Variants in NAPA observed in about 807,000 individuals in gnomAD.
NAPA encodes the protein alpha-soluble NSF attachment protein.
NAPA carries 18 observed loss-of-function variants against 48.0 expected under a neutral mutation model. The ratio of observed to expected loss-of-function variants is 0.38; its 90% CI spans 0.26 to 0.56. The LOEUF is 0.56. NAPA is among the 20% of genes least tolerant of loss of function. The probability of loss-of-function intolerance (pLI) is 0.77; values close to 1 mark genes in which losing one functional copy is unlikely to be tolerated. For synonymous variants in NAPA, 152 were observed against 149.9 expected (o/e 1.01, Z -0.10); for missense variants, 315 against 385.0 (o/e 0.82, Z 1.52).
At position 47,492,047 on chromosome 19, in the gene NAPA, A is replaced by G; in HGVS notation, c.634T>C (p.Cys212Arg). The change falls in exon 8 of 11, where the codon TGC (cysteine) becomes CGC (arginine). Residue 212 changes from cysteine (C) to arginine (R), a missense_variant. By Grantham distance (180) the Cys-to-Arg change is radical. Coordinates refer to ENST00000263354, the MANE Select transcript of NAPA (RefSeq NM_003827.4). ...AKDYFFKAAL[C>R]HFCIDMLNAK... Reference sequence around the variant, plus strand: ...TTGAGCATGTCGATGCAGAAGTGGCAGAGGGCCGCCTTGAAGAAGTAGTCT... The same window carrying G: ...TTGAGCATGTCGATGCAGAAGTGGCGGAGGGCCGCCTTGAAGAAGTAGTCT... The G allele has an allele frequency of 6.2e-7, 1 of 1,614,124 alleles. No homozygotes were observed. Among genetic ancestry groups the G allele is most frequent in the Non-Finnish European group, 8.5e-7 (1 of 1,179,972 alleles).
chr19:47,503,587 G>C lies in NAPA; in HGVS notation c.99-85C>G. 3.9e-6 allele frequency: 5 copies of C among 1,277,958 alleles called. No individual in the cohort carries two copies. In the South Asian group the frequency reaches 4.8e-5, roughly 12 times the overall value. The allele number at this position is 1,277,958 out of a possible 1,614,324, so 79.2% of individuals were successfully genotyped here. On this transcript the variant is annotated intron_variant, in intron 1 of 10. Coordinates refer to ENST00000263354, the MANE Select transcript of NAPA (RefSeq NM_003827.4). ...GCATTCTGCTCCAGTGCCGGGCACA[G>C]ACGTGCCCCTACCCCTCACCCTTCA...
chr19:47,508,683 A>G (rs62128688), intron 1 of NAPA, among the ~76,000 whole-genome samples: 28 of 151,702 alleles, frequency 1.8e-4, no homozygotes, highest in Non-Finnish European at 1.0e-4. Flanking sequence ...TTTTTTTTAA[A>G]TAAGAGATGG....
At chr19:47,491,064 A>G in intron 8 of NAPA, 1 of 505,084 alleles carries the variant, frequency 2.0e-6, no homozygotes, top group Non-Finnish European at 3.5e-6. Context: ...AGATGGCTGC[A>G]GGGAGAGGTG....
chr19:47,515,002 C>T lies in NAPA; in HGVS notation c.-62G>A. 1 of 1,532,498 alleles carries T rather than the reference C, an allele frequency of 6.5e-7. No homozygotes were observed. The highest frequency in any genetic ancestry group is 8.9e-7 in the Non-Finnish European group (1 of 1,120,202). The allele number at this position is 1,532,498 out of a possible 1,614,324, so 94.9% of individuals were successfully genotyped here. ...TGACCCTGGGAAGACTCAGCCGCGGCCGGGCCGCGGAACACAGATCGGTAA... is the reference window on the plus strand; with the variant it reads ...TGACCCTGGGAAGACTCAGCCGCGGTCGGGCCGCGGAACACAGATCGGTAA... On this transcript the variant is annotated 5_prime_UTR_variant, in exon 1 of 11. Transcript: ENST00000263354.
intron 10 of NAPA, chr19:47,488,667 A>C (rs188341400): frequency 5.6e-4 from 113 of 200,312 alleles, no homozygotes; most frequent in East Asian, 2.7e-3. Context: ...CGCCTGTAAT[A>C]CCAGCACTTT....
chr19:47,490,693 A>C, intron 9 of NAPA, 95 bp downstream of exon 9: 3 of 744,086 alleles, frequency 4.0e-6, no homozygotes, highest in Non-Finnish European at 6.3e-6. Context: ...CCCTCTGAGA[A>C]CTACTGGACA....
rs529224147 is a variant in NAPA at position 47,493,634 on chromosome 19, G to A, written c.343-141C>T. On this transcript the variant is annotated intron_variant, in intron 4 of 10. Transcript: ENST00000263354. The surrounding 1 kb of genome is among the most constrained non-coding windows in gnomAD (Gnocchi z 6.4). Reference sequence around the variant, plus strand: ...GAAGACCTGAGGTGTGAAGAAGATCGAGAGGTGGGGGAACACAGGAGTGAG... The same window carrying A: ...GAAGACCTGAGGTGTGAAGAAGATCAAGAGGTGGGGGAACACAGGAGTGAG... The A allele has an allele frequency of 9.8e-6, 7 of 714,120 alleles. No homozygotes were observed. The highest frequency in any genetic ancestry group is 3.2e-5 in the South Asian group (2 of 63,036). The allele number at this position is 714,120 out of a possible 1,614,324, so 44.2% of individuals were successfully genotyped here. A position where few individuals can be genotyped will look rare whatever the true frequency, so the allele number is the denominator to read the frequency against.
chr19:47,490,142 TGGTGTGTTCGGTGTGTGTGTGG>T (rs1459286263), intron 9 of NAPA, among the ~76,000 whole-genome samples: 1 of 146,822 alleles, frequency 6.8e-6, no homozygotes, highest in African/African-American at 2.5e-5. Context: ...GTTGCGTGTG[TGGTGTGTTCGGTGTGTGTGTGG>T]GGTGTGTGTG....
chr19:47,495,681 A>G, intron 3 of NAPA, 85 bp from the exon 4 acceptor site: 1 of 1,322,798 alleles, frequency 7.6e-7, no homozygotes, highest in Non-Finnish European at 1.1e-6. Flanking sequence ...ACGCAGGCGC[A>G]CCTGGCTGCC....
rs545014021 is a variant in NAPA, at chr19:47,509,178, G to A, written c.98+5665C>T. On this transcript the variant is annotated intron_variant, in intron 1 of 10. Transcript: ENST00000263354. ...ACATAGTCAATACTTGGCACAGAGC[G>A]CAGAATGGAAAAGGTGCTCAATGGT... Among the ~76,000 whole-genome samples, 45 of 152,098 alleles carry A rather than the reference G, an allele frequency of 3.0e-4. No individual in the cohort carries two copies. In the East Asian group the frequency reaches 5.2e-3, roughly 18 times the overall value.
intron 3 of NAPA, chr19:47,496,961 C>A (rs906229265): frequency 2.6e-6 from 1 of 379,512 alleles, no homozygotes; most frequent in Non-Finnish European, 5.5e-6. Flanking sequence ...GCTGACAGAC[C>A]GAGACTGTGG....
At chr19:47,485,288 G>A (rs145454982), downstream of NAPA, among the ~76,000 whole-genome samples, 2 of 152,270 alleles carry the variant, frequency 1.3e-5, no homozygotes, top group East Asian at 3.9e-4. Flanking sequence ...TCTACAAAGA[G>A]GTTTATTATC....
At chr19:47,485,518 G>A (rs1483205845), downstream of NAPA, among the ~76,000 whole-genome samples, 1 of 152,176 alleles carries the variant, frequency 6.6e-6, no homozygotes, top group Non-Finnish European at 1.5e-5. Context: ...CAGCTGTCCT[G>A]GACACCTCGA....
rs978408977 is a variant in NAPA, at chr19:47,506,831, C to T, written c.99-3329G>A. The T allele has an allele frequency of 6.6e-6, 1 of 152,316 alleles. No individual in the cohort carries two copies. The highest frequency in any genetic ancestry group is 1.5e-5 in the Non-Finnish European group (1 of 68,098). 9.4% of individuals were successfully genotyped at this position (152,316 alleles called of 1,614,324 possible). A position where few individuals can be genotyped will look rare whatever the true frequency, so the allele number is the denominator to read the frequency against. Reference sequence around the variant, plus strand: ...CTGCACCCCGCGGTCTTGCCCATTACCATGGCCAGGGGATGACAGGAGATC... The same window carrying T: ...CTGCACCCCGCGGTCTTGCCCATTATCATGGCCAGGGGATGACAGGAGATC... On this transcript the variant is annotated intron_variant, in intron 1 of 10. Coordinates refer to ENST00000263354, the MANE Select transcript of NAPA (RefSeq NM_003827.4). This position sits in a 1 kb window ranked among gnomAD's most constrained non-coding sequence, Gnocchi z 4.0.
chr19:47,498,846 A>G (rs141559865), intron 3 of NAPA, among the ~76,000 whole-genome samples: 361 of 152,202 alleles, frequency 2.4e-3, no homozygotes, highest in Admixed American at 3.9e-3. Context: ...AGCTGCACTA[A>G]CACCCTTCCC....
At chr19:47,492,849 C>T (rs750895689) in intron 7 of NAPA, 112 bp downstream of exon 7, 1 of 996,810 alleles carries the variant, frequency 1.0e-6, no homozygotes, top group East Asian at 2.4e-5. Context: ...GGGGGAGAGG[C>T]AGAGGGTGAG....
In NAPA at chr19:47,514,880, C is replaced by T; in HGVS notation, c.61G>A (p.Val21Met). ...GAGAAGAAGGACTGCGAGTTCTTCA[C>T]TTTGCGCTCCGCCTCGGCCAACAGC... ...MALLAEAERK[V>M]KNSQSFFSGL... Residue 21 changes from valine to methionine, a missense_variant, in exon 1 of 11, where the codon GTG becomes ATG. Around this residue, in one of 3 missense-constraint regions of NAPA, gnomAD observed 173 missense variants for 213.5 expected, o/e 0.81. Coordinates refer to ENST00000263354, the MANE Select transcript of NAPA (RefSeq NM_003827.4). The T allele has an allele frequency of 1.2e-6, 2 of 1,614,082 alleles. No homozygotes were observed. Among genetic ancestry groups the T allele is most frequent in the East Asian group, 2.2e-5 (1 of 44,884 alleles).
chr19:47,500,800 A>G (rs1161447147), intron 2 of NAPA, 51 bp from the exon 3 acceptor site: 1 of 1,395,250 alleles, frequency 7.2e-7, no homozygotes, highest in Middle Eastern at 1.8e-4. Context: ...TCCACACTTT[A>G]TGAAGCCACA....
At chr19:47,492,479 G>A (rs944497614) in intron 7 of NAPA, 5 of 392,752 alleles carry the variant, frequency 1.3e-5, no homozygotes, top group East Asian at 1.2e-4. Context: ...CATGAGAGGC[G>A]GCGCCCGCCC....
Sources: allele counts gnomAD v4.1 joint callset (sites outside exome capture counted in the v4.1 genomes callset), GRCh38; gene constraint gnomAD v4.1.1; regional missense constraint gnomAD v4.1.1; non-coding constraint Gnocchi (gnomAD v3.1); transcripts MANE v1.5; gene names NCBI Gene and HGNC (gene_info 2026-07-23, HGNC 2026-07-21).